TBC1D22A: variants seen among roughly 807,000 people sequenced by gnomAD.
TBC1D22A encodes TBC1 domain family member 22A, also known as putative GTPase activator.
A neutral mutation model predicts 60.2 loss-of-function variants in TBC1D22A; 38 were observed. That is an observed-to-expected ratio of 0.63 (90% CI 0.49 to 0.83). TBC1D22A has a LOEUF of 0.83. Among genes scored for constraint, TBC1D22A ranks in the 40% least tolerant of loss-of-function variants. The pLI is 0.00. For synonymous variants in TBC1D22A, 302 were observed against 281.7 expected, an observed-to-expected ratio of 1.07 and a Z score of -0.72; for missense variants, 628 against 701.0, an observed-to-expected ratio of 0.90 and a Z score of 1.18.
chr22:47,115,397 C>A (rs1479803293), intron 12 of TBC1D22A, among the ~76,000 whole-genome samples: 1 of 151,414 alleles, frequency 6.6e-6, no homozygotes, highest in Admixed American at 6.6e-5. Flanking sequence ...GGGGCCTCTC[C>A]GCTGAGCCCT....
intron 8 of TBC1D22A, among the ~76,000 whole-genome samples, chr22:46,964,401 G>A (rs2073697597): frequency 6.6e-6 from 1 of 152,182 alleles, no homozygotes; most frequent in Non-Finnish European, 1.5e-5. Context: ...CAGCCAGGAA[G>A]GCCTGAGAAG....
intron 12 of TBC1D22A, among the ~76,000 whole-genome samples, chr22:47,161,827 G>T (rs2067995742): frequency 6.6e-6 from 1 of 152,222 alleles, no homozygotes; most frequent in African/African-American, 2.4e-5. Flanking sequence ...ATACCCAGGG[G>T]CCCTTCGAGC....
intron 11 of TBC1D22A, among the ~76,000 whole-genome samples, chr22:47,104,342 A>AT (rs1443271596): frequency 6.6e-6 from 1 of 151,480 alleles, no homozygotes; most frequent in Non-Finnish European, 1.5e-5. Flanking sequence ...ACATAGCTAG[A>AT]TTTTTTTCTT....
chr22:47,000,263 G>C (rs926275967), intron 10 of TBC1D22A, among the ~76,000 whole-genome samples: 14 of 152,110 alleles, frequency 9.2e-5, no homozygotes, highest in African/African-American at 3.4e-4. Flanking sequence ...CATCAGGAGC[G>C]AGCAGAGAGC....
chr22:47,062,188 G>A (rs962652959), intron 11 of TBC1D22A, among the ~76,000 whole-genome samples: 1 of 151,782 alleles, frequency 6.6e-6, no homozygotes, highest in Non-Finnish European at 1.5e-5. Flanking sequence ...GGTTCCGGCA[G>A]TGTGGACCCT....
intron 11 of TBC1D22A, among the ~76,000 whole-genome samples, chr22:47,101,267 T>TC (rs2065404117): frequency 6.6e-6 from 1 of 152,260 alleles, no homozygotes; most frequent in Non-Finnish European, 1.5e-5. Context: ...CCTGAGTGTT[T>TC]CCTCTGCAGA....
intron 1 of TBC1D22A, among the ~76,000 whole-genome samples, chr22:46,765,955 TTATGTGTGTGTG>T (rs1170984969): frequency 3.1e-4 from 35 of 113,410 alleles, no homozygotes; most frequent in African/African-American, 1.2e-3. Context: ...CCCAGCTAAT[TTATGTGTGTGTG>T]TGTGTGTGTG....
intron 11 of TBC1D22A, among the ~76,000 whole-genome samples, chr22:47,081,728 C>T (rs1190437772): frequency 6.6e-6 from 1 of 152,050 alleles, no homozygotes; most frequent in African/African-American, 2.4e-5. Context: ...CCTAAAAATA[C>T]TTAGGGATAA....
intron 7 of TBC1D22A, among the ~76,000 whole-genome samples, chr22:46,907,695 T>C (rs1394880716): frequency 6.6e-6 from 1 of 152,164 alleles, no homozygotes; most frequent in Non-Finnish European, 1.5e-5. Flanking sequence ...GTGCCGGCCG[T>C]GCAGGACTGA....
At chr22:46,764,045 G>C (rs146266882) in intron 1 of TBC1D22A, 2 of 152,320 alleles carry the variant, frequency 1.3e-5, no homozygotes, top group African/African-American at 4.8e-5. Flanking sequence ...AGTGAGCCGA[G>C]ATCGTTCCAT....
intron 3 of TBC1D22A, among the ~76,000 whole-genome samples, chr22:46,795,984 A>G (rs1265135366): frequency 6.6e-6 from 1 of 152,186 alleles, no homozygotes; most frequent in Non-Finnish European, 1.5e-5. Flanking sequence ...CCCTCTGCTC[A>G]GGTGCTGGTT....
rs1269917504 is a variant in TBC1D22A at position 47,028,782 on chromosome 22, C to T, written c.1202-8289C>T. Reference sequence around the variant, plus strand: ...TGTTTGCAGTTTGGCCTCTGCCTTGCAGTCTGGTTGGATCTCAGCCCTCAG... The same window carrying T: ...TGTTTGCAGTTTGGCCTCTGCCTTGTAGTCTGGTTGGATCTCAGCCCTCAG... On this transcript the variant is annotated intron_variant, in intron 10 of 12. Coordinates refer to ENST00000337137, the MANE Select transcript of TBC1D22A (RefSeq NM_014346.5). This position sits in a 1 kb window ranked among gnomAD's most constrained non-coding sequence, Gnocchi z 4.4. Among the ~76,000 whole-genome samples the T allele has an allele frequency of 6.6e-6, 1 of 152,232 alleles. No homozygotes were observed. Among genetic ancestry groups the T allele is most frequent in the African/African-American group, 2.4e-5 (1 of 41,462 alleles).
chr22:47,080,814 A>G (rs890737551), intron 11 of TBC1D22A, among the ~76,000 whole-genome samples: 6 of 152,148 alleles, frequency 3.9e-5, no homozygotes, highest in Admixed American at 3.9e-4. Context: ...CAACAAAATC[A>G]AAAAATCAGT....
At chr22:46,809,214 T>C (rs1264966372) in intron 4 of TBC1D22A, among the ~76,000 whole-genome samples, 1 of 152,186 alleles carries the variant, frequency 6.6e-6, no homozygotes, top group Non-Finnish European at 1.5e-5. Flanking sequence ...TGCCACATTT[T>C]TGCTGAGTTG....
intron 8 of TBC1D22A, among the ~76,000 whole-genome samples, chr22:46,952,317 G>A (rs2072956875): frequency 9.3e-6 from 1 of 107,350 alleles, no homozygotes; most frequent in Admixed American, 9.7e-5. Context: ...TCCTCTGCCT[G>A]GGCTGTTGGT....
intron 4 of TBC1D22A, among the ~76,000 whole-genome samples, chr22:46,852,063 G>A (rs566645008): frequency 6.6e-6 from 1 of 152,276 alleles, no homozygotes; most frequent in East Asian, 1.9e-4. Context: ...GCTCAGGGGC[G>A]CCGCAGGCAG....
At chr22:46,907,412 A>G (rs766593888) in intron 7 of TBC1D22A, among the ~76,000 whole-genome samples, 9 of 152,170 alleles carry the variant, frequency 5.9e-5, no homozygotes, top group Non-Finnish European at 1.0e-4. Flanking sequence ...TGCCTGGTAG[A>G]GGAAACAGAT....
chr22:46,812,757 A>T (rs1322161469), intron 4 of TBC1D22A, among the ~76,000 whole-genome samples: 1 of 152,258 alleles, frequency 6.6e-6, no homozygotes, highest in Non-Finnish European at 1.5e-5. Flanking sequence ...TTTTATTATC[A>T]TACTTGTCAA....
At chr22:46,954,617 C>T (rs953243090) in intron 8 of TBC1D22A, among the ~76,000 whole-genome samples, 10 of 152,232 alleles carry the variant, frequency 6.6e-5, no homozygotes, top group Non-Finnish European at 1.2e-4. Flanking sequence ...CTGAGGACGC[C>T]GAGCTGAGTG....
Sources: allele counts gnomAD v4.1 joint callset (sites outside exome capture counted in the v4.1 genomes callset), GRCh38; gene constraint gnomAD v4.1.1; non-coding constraint Gnocchi (gnomAD v3.1); transcripts MANE v1.5; gene names NCBI Gene and HGNC (gene_info 2026-07-23, HGNC 2026-07-21).